SDK2: variants seen among roughly 807,000 people sequenced by gnomAD.
The protein encoded by SDK2 is protein sidekick-2.
A neutral mutation model predicts 253.9 loss-of-function variants in SDK2; 105 were observed. The ratio of observed to expected loss-of-function variants is 0.41; its 90% CI spans 0.35 to 0.49. SDK2 has a LOEUF of 0.49. Among genes scored for constraint, SDK2 ranks in the 20% least tolerant of loss-of-function variants. The pLI is 0.06. For synonymous variants in SDK2, 1,249 were observed against 1,234.9 expected (o/e 1.01, Z -0.24); for missense variants, 2,608 against 3,003.0 (o/e 0.87, Z 3.07).
intron 1 of SDK2, among the ~76,000 whole-genome samples, chr17:73,594,398 G>A (rs1052954485): frequency 6.6e-6 from 1 of 152,106 alleles, no homozygotes; most frequent in African/African-American, 2.4e-5. Context: ...CCCTCCCCCA[G>A]TGCTGCTCCC....
Position 73,412,113 on chromosome 17 carries a change from TATGTATAC to T in SDK2, c.2484+2523_2484+2530del, listed in dbSNP as rs1230802347. Among the ~76,000 whole-genome samples, 500 of 67,268 alleles carry T rather than the reference TATGTATAC, an allele frequency of 7.4e-3. 8 individuals are homozygous for T. Among genetic ancestry groups the T allele is most frequent in the Middle Eastern group, 0.021 (4 of 188 alleles). The allele number at this position is 67,268 out of a possible 152,430, so 44.1% of individuals were successfully genotyped here. On this transcript the variant is annotated intron_variant, in intron 18 of 44. Transcript: ENST00000392650. ...ATATACGTATATATGTATACGTATA[TATGTATAC>T]GTATATATGTGTATGTGTATATGTA...
intron 8 of SDK2, among the ~76,000 whole-genome samples, chr17:73,436,964 G>C (rs1356330591): frequency 6.6e-6 from 1 of 152,084 alleles, no homozygotes; most frequent in East Asian, 1.9e-4. Flanking sequence ...CGCGAGCAGG[G>C]ATCTGGCTGT....
chr17:73,379,850 T>C lies in SDK2; in HGVS notation c.4763-301A>G, dbSNP rs2062816518. Among the ~76,000 whole-genome samples the C allele has an allele frequency of 6.6e-6, 1 of 151,912 alleles. No homozygotes were observed. Among genetic ancestry groups the C allele is most frequent in the Admixed American group, 6.6e-5 (1 of 15,260 alleles). On this transcript the variant is annotated intron_variant, in intron 34 of 44. Coordinates refer to ENST00000392650, the MANE Select transcript of SDK2 (RefSeq NM_001144952.2). The surrounding 1 kb of genome is among the most constrained non-coding windows in gnomAD (Gnocchi z 4.5). Reference sequence around the variant, plus strand: ...TGAATATTTACACCGGGACAACCAGTGTAAACCAAAGCTGTCCTGGGCATG... The same window carrying C: ...TGAATATTTACACCGGGACAACCAGCGTAAACCAAAGCTGTCCTGGGCATG...
intron 3 of SDK2, among the ~76,000 whole-genome samples, chr17:73,468,351 C>T (rs1475544754): frequency 6.6e-6 from 1 of 152,096 alleles, no homozygotes; most frequent in Non-Finnish European, 1.5e-5. Context: ...GAAATCCTTC[C>T]AACGAGCCTA....
intron 6 of SDK2, among the ~76,000 whole-genome samples, chr17:73,440,408 G>A (rs554454452): frequency 2.0e-5 from 3 of 152,114 alleles, no homozygotes; most frequent in African/African-American, 4.8e-5. Flanking sequence ...GCCCAAAGCC[G>A]TACTCTTAAC....
chr17:73,385,806 G>A (rs374937614), intron 32 of SDK2, 41 bp downstream of exon 32: 22 of 1,544,056 alleles, frequency 1.4e-5, no homozygotes, highest in East Asian at 7.0e-5. Context: ...AGCAGAGCTC[G>A]TCTGGGTCTT....
At chr17:73,380,711 T>C (rs962542465) in intron 34 of SDK2, among the ~76,000 whole-genome samples, 183 bp downstream of exon 34, 4 of 152,226 alleles carry the variant, frequency 2.6e-5, no homozygotes, top group African/African-American at 9.6e-5. Flanking sequence ...AGACTTTCCC[T>C]GTCATCGGCC....
At chr17:73,489,052 C>T (rs1000523723) in intron 2 of SDK2, among the ~76,000 whole-genome samples, 9 of 152,180 alleles carry the variant, frequency 5.9e-5, no homozygotes, top group African/African-American at 2.2e-4. Flanking sequence ...CTACACCATG[C>T]CAGACACTGT....
chr17:73,380,840 C>A (rs534400568), intron 34 of SDK2, 54 bp downstream of exon 34: 48 of 1,489,466 alleles, frequency 3.2e-5, no homozygotes, highest in Non-Finnish European at 4.3e-5. Flanking sequence ...GCCCCACTCC[C>A]AATCCCCTGC....
intron 10 of SDK2, among the ~76,000 whole-genome samples, chr17:73,433,438 C>T (rs2063342951): frequency 6.6e-6 from 1 of 152,214 alleles, no homozygotes; most frequent in Admixed American, 6.5e-5. Flanking sequence ...AGGCAACTGC[C>T]ACCATGCCCG....
chr17:73,419,217 TG>T lies in SDK2; in HGVS notation c.2134del (p.Gln712SerfsTer38). 6.2e-7 allele frequency: 1 copy of T among 1,612,722 alleles called. No individual in the cohort carries two copies. Among genetic ancestry groups the T allele is most frequent in the Non-Finnish European group, 8.5e-7 (1 of 1,179,512 alleles). The stretch of plus-strand genomic sequence containing the variant: ...ATTCTGGTGGCTCTCAGGAGGCGGC[TG>T]CCACTGGATCATGATGGACTGGTTG... Reference protein sequence around the residue: ...RTNQSIMIQWQPPPESHQNGI... With the variant: ...RTNQSIMIQWXPPPESHQNGI... On this transcript the variant is annotated frameshift_variant, in exon 16 of 45. Transcript: ENST00000392650. LOFTEE classifies it high-confidence loss of function.
At chr17:73,371,955 G>A (rs1314078852) in intron 36 of SDK2, among the ~76,000 whole-genome samples, 4 of 16,224 alleles carry the variant, frequency 2.5e-4, no homozygotes, top group South Asian at 1.7e-3. Flanking sequence ...GCGAGAGTCC[G>A]TTAAAAAAAA....
intron 40 of SDK2, among the ~76,000 whole-genome samples, chr17:73,357,125 T>C (rs1392279387): frequency 1.3e-5 from 2 of 152,202 alleles, no homozygotes; most frequent in Non-Finnish European, 2.9e-5. Flanking sequence ...CTAGATGTAT[T>C]CGCTATATGC....
intron 1 of SDK2, among the ~76,000 whole-genome samples, chr17:73,551,725 C>A (rs1476454330): frequency 6.6e-6 from 1 of 152,172 alleles, no homozygotes; most frequent in Non-Finnish European, 1.5e-5. Context: ...CTGGTCCCTG[C>A]CCTCACGGTG....
chr17:73,422,214 C>T, intron 15 of SDK2, 73 bp downstream of exon 15: 1 of 1,550,612 alleles, frequency 6.4e-7, no homozygotes, highest in Non-Finnish European at 8.8e-7. Context: ...CAGAATCTGC[C>T]ACATCGGTTT....
chr17:73,412,667 G>A (rs1385964073), intron 18 of SDK2, among the ~76,000 whole-genome samples: 1 of 152,134 alleles, frequency 6.6e-6, no homozygotes, highest in Non-Finnish European at 1.5e-5. Flanking sequence ...AGTAATCCCA[G>A]CACTCTGGGA....
intron 1 of SDK2, among the ~76,000 whole-genome samples, chr17:73,582,388 A>G (rs2045549198): frequency 1.3e-5 from 2 of 152,220 alleles, no homozygotes; most frequent in Non-Finnish European, 2.9e-5. Context: ...CACACCACGC[A>G]GGCATCAGCT....
rs1367529042 is a variant in SDK2, at chr17:73,335,523, GT to G, written c.*3063del. 1 of 152,298 alleles carries G rather than the reference GT, an allele frequency of 6.6e-6. No individual in the cohort carries two copies. The highest frequency in any genetic ancestry group is 2.4e-5 in the African/African-American group (1 of 41,456). The allele number at this position is 152,298 out of a possible 1,614,324, so 9.4% of individuals were successfully genotyped here. A position where few individuals can be genotyped will look rare whatever the true frequency, so the allele number is the denominator to read the frequency against. On this transcript the variant is annotated 3_prime_UTR_variant, in exon 45 of 45. Coordinates refer to ENST00000392650, the MANE Select transcript of SDK2 (RefSeq NM_001144952.2). ...ACGGTTGGGAGCCTCGGCTGTGCCA[GT>G]AGATATGTAAACAAGGGCAAAGAGA...
intron 2 of SDK2, among the ~76,000 whole-genome samples, chr17:73,485,527 T>C (rs1204366909): frequency 6.6e-6 from 1 of 152,078 alleles, no homozygotes; most frequent in African/African-American, 2.4e-5. Flanking sequence ...CTGAGGATAG[T>C]AGAAATATGC....
Sources: allele counts gnomAD v4.1 joint callset (sites outside exome capture counted in the v4.1 genomes callset), GRCh38; gene constraint gnomAD v4.1.1; non-coding constraint Gnocchi (gnomAD v3.1); transcripts MANE v1.5; gene names NCBI Gene and HGNC (gene_info 2026-07-23, HGNC 2026-07-21).